The following HLCS variants were observed in gnomAD, a reference collection of about 807,000 sequenced individuals.
HLCS encodes the protein holocarboxylase synthetase.
In HLCS, 53 loss-of-function variants were observed where a neutral mutation model predicts 75.0. That is an observed-to-expected ratio of 0.71 (90% CI 0.57 to 0.89). The LOEUF is 0.89. Among genes scored for constraint, HLCS ranks in the 40% least tolerant of loss-of-function variants. The pLI, the probability that HLCS is intolerant of heterozygous loss-of-function variation, is 0.00. For synonymous variants in HLCS, 431 were observed against 428.6 expected (o/e 1.01, Z -0.07); for missense variants, 966 against 1,074.0 (o/e 0.90, Z 1.41).
At chr21:36,949,937 C>A (rs888700749) in intron 2 of HLCS, among the ~76,000 whole-genome samples, 2 of 152,218 alleles carry the variant, frequency 1.3e-5, no homozygotes, top group Non-Finnish European at 2.9e-5. Flanking sequence ...TGACAACAGC[C>A]TTCTAAGCCC....
chr21:36,957,931 A>C (rs886764699), intron 2 of HLCS, among the ~76,000 whole-genome samples: 2 of 145,898 alleles, frequency 1.4e-5, no homozygotes, highest in Admixed American at 6.9e-5. Flanking sequence ...TGCGTCTCGA[A>C]AAAAAAAAAA....
At chr21:36,840,296 A>C (rs904647144) in intron 6 of HLCS, among the ~76,000 whole-genome samples, 13 of 152,216 alleles carry the variant, frequency 8.5e-5, no homozygotes, top group African/African-American at 3.1e-4. Context: ...TATTTAAAAA[A>C]ATTTTTTTAA....
At chr21:36,811,780 G>GTGACC (rs2061517688) in intron 6 of HLCS, among the ~76,000 whole-genome samples, 3 of 152,210 alleles carry the variant, frequency 2.0e-5, no homozygotes. Flanking sequence ...GCCTGCTTCA[G>GTGACC]TGACCTCACC....
chr21:36,939,114 T>C (rs1247691961), intron 2 of HLCS, 120 bp from the exon 3 acceptor site: 2 of 866,602 alleles, frequency 2.3e-6, no homozygotes, highest in Non-Finnish European at 3.5e-6. Flanking sequence ...CAGTCATTAA[T>C]AACAAATTAC....
chr21:36,859,125 C>T (rs538746760), intron 6 of HLCS, among the ~76,000 whole-genome samples: 1 of 152,298 alleles, frequency 6.6e-6, no homozygotes, highest in African/African-American at 2.4e-5. Flanking sequence ...CGAGTTCAAG[C>T]GATTCTCCTG....
In HLCS at chr21:36,833,631, C is replaced by T. The variant is rs368689592; in HGVS notation, c.1892+63229G>A. 1.3e-3 allele frequency among the ~76,000 whole-genome samples: 187 copies of T among 146,742 alleles called. 2 individuals carry two copies. The highest frequency in any genetic ancestry group is 4.7e-3 in the African/African-American group (180 of 38,574). On this transcript the variant is annotated intron_variant, in intron 6 of 10. Coordinates refer to ENST00000674895, the MANE Select transcript of HLCS (RefSeq NM_001352514.2). ...TATATATATTTGATTTGGACACTGA[C>T]TCTGTATGGAGATTTTAATATTCAG...
At chr21:36,981,395 C>CTTT (rs11328067) in intron 1 of HLCS, among the ~76,000 whole-genome samples, 5,262 of 91,338 alleles carry the variant, frequency 0.058, 461 homozygotes, top group African/African-American at 0.13. Context: ...CTTAACCTTC[C>CTTT]TTTTTTTTTT....
At position 36,851,183 on chromosome 21, in the gene HLCS, T is replaced by C. The variant is rs146401702; in HGVS notation, c.1892+45677A>G. On this transcript the variant is annotated intron_variant, in intron 6 of 10. Transcript: ENST00000674895. ...TCCAGCAATCCCAATCCTAGGCATATACCCAAAAGAATGGAAACCAGGATA... is the reference window on the plus strand; with the variant it reads ...TCCAGCAATCCCAATCCTAGGCATACACCCAAAAGAATGGAAACCAGGATA... Among the ~76,000 whole-genome samples the C allele has an allele frequency of 1.8e-4, 27 of 152,332 alleles. No homozygotes were observed. In the Middle Eastern group the frequency reaches 0.01, roughly 58 times the overall value.
chr21:36,966,452 C>A lies in HLCS; in HGVS notation c.187G>T (p.Asp63Tyr), dbSNP rs1410140016. ...CCGCCCGACCCGCCCACCTGGCTGT[C>A]GCTGACGCAGAAGACGCGGCCGCCA... ...SRGGRVFCVSDSQSIEDLNKW... is the reference protein window; with the variant it reads ...SRGGRVFCVSYSQSIEDLNKW... Residue 63 changes from aspartate (D) to tyrosine (Y), a missense_variant, in exon 1 of 11, where the codon GAC becomes TAC. By Grantham distance (160) the Asp-to-Tyr change is radical (BLOSUM62 -3). Transcript: ENST00000674895. 3 of 211,404 alleles carry A rather than the reference C, an allele frequency of 1.4e-5. No homozygotes were observed. Among genetic ancestry groups the A allele is most frequent in the Non-Finnish European group, 2.3e-5 (3 of 131,502 alleles). The allele number at this position is 211,404 out of a possible 1,614,324, so 13.1% of individuals were successfully genotyped here.
At chr21:36,984,063 T>A (rs534002306) in intron 1 of HLCS, among the ~76,000 whole-genome samples, 92 of 152,230 alleles carry the variant, frequency 6.0e-4, no homozygotes, top group Admixed American at 1.3e-3. Flanking sequence ...GGTCTCGAAC[T>A]CCTGGCCTCA....
At chr21:36,777,757 C>T (rs889024092) in intron 6 of HLCS, among the ~76,000 whole-genome samples, 3 of 152,144 alleles carry the variant, frequency 2.0e-5, no homozygotes, top group Non-Finnish European at 4.4e-5. Context: ...GACCTCAGGG[C>T]CTGACATCGG....
intron 6 of HLCS, among the ~76,000 whole-genome samples, chr21:36,855,245 A>G (rs12627303): frequency 1 from 152,240 of 152,240 alleles, 76,120 homozygotes; most frequent in Non-Finnish European, 1. Context: ...AACTTCAAGA[A>G]GTTGGCCACG....
At chr21:36,932,376 C>T (rs931214764) in intron 4 of HLCS, among the ~76,000 whole-genome samples, 1 of 152,210 alleles carries the variant, frequency 6.6e-6, no homozygotes, top group Non-Finnish European at 1.5e-5. Flanking sequence ...CTATCAACAA[C>T]TTTAAGTGAG....
intron 6 of HLCS, among the ~76,000 whole-genome samples, chr21:36,860,113 G>A (rs1366182844): frequency 7.9e-5 from 12 of 152,244 alleles, no homozygotes; most frequent in Non-Finnish European, 1.2e-4. Flanking sequence ...ACATTTTGCA[G>A]TGGGAGGGGT....
chr21:36,923,138 G>A (rs2066249134), intron 5 of HLCS, among the ~76,000 whole-genome samples: 2 of 152,162 alleles, frequency 1.3e-5, no homozygotes, highest in Admixed American at 1.3e-4. Context: ...GCACCAGTAT[G>A]GGCTTATTCC....
chr21:36,855,876 C>G (rs1052657257), intron 6 of HLCS, among the ~76,000 whole-genome samples: 1 of 152,092 alleles, frequency 6.6e-6, no homozygotes, highest in South Asian at 2.1e-4. Flanking sequence ...ACACACCTGG[C>G]CCAAAATATT....
At chr21:36,915,275 G>A (rs995890496) in intron 5 of HLCS, among the ~76,000 whole-genome samples, 10 of 152,306 alleles carry the variant, frequency 6.6e-5, no homozygotes, top group African/African-American at 2.4e-4. Flanking sequence ...CTGGTAAAAC[G>A]GAGCTTCAAG....
intron 2 of HLCS, among the ~76,000 whole-genome samples, chr21:36,939,318 A>C (rs947371043): frequency 6.6e-6 from 1 of 152,200 alleles, no homozygotes; most frequent in Non-Finnish European, 1.5e-5. Context: ...CCCTTTAAAA[A>C]CAGAGAAGAG....
intron 2 of HLCS, among the ~76,000 whole-genome samples, chr21:36,951,206 C>G (rs1203206249): frequency 6.6e-6 from 1 of 152,200 alleles, no homozygotes; most frequent in Admixed American, 6.5e-5. Context: ...TGGCCATGTT[C>G]TTGGAAGCTA....
Sources: gnomAD v4.1 joint callset for allele counts (sites outside exome capture counted in the v4.1 genomes callset) on GRCh38, gnomAD v4.1.1 for gene constraint, MANE v1.5 for transcripts, NCBI Gene and HGNC (gene_info 2026-07-23, HGNC 2026-07-21) for gene names.